Variants in FRMPD4 observed in about 807,000 individuals in gnomAD.
The protein encoded by FRMPD4 is FERM and PDZ domain containing 4.
Under a neutral mutation model 94.1 loss-of-function variants are expected in FRMPD4, and 22 were observed. That is an observed-to-expected ratio of 0.23 (90% CI 0.17 to 0.33). The LOEUF (loss-of-function observed/expected upper bound fraction) is 0.33. Among genes scored for constraint, FRMPD4 ranks in the 10% least tolerant of loss-of-function variants. FRMPD4 has a pLI of 1.00. For synonymous variants in FRMPD4, 631 were observed against 548.6 expected, an observed-to-expected ratio of 1.15 and a Z score of -2.10; for missense variants, 1,111 against 1,339.9, an observed-to-expected ratio of 0.83 and a Z score of 2.67.
chrX:12,219,205 C>CA (rs1336368000), intron 1 of FRMPD4, among the ~76,000 whole-genome samples: 11 of 111,399 alleles, frequency 9.9e-5, no homozygotes, highest in Non-Finnish European at 1.9e-4. Flanking sequence ...CTCGTCTCTA[C>CA]AAAAAATATA....
At chrX:12,506,567 G>A (rs770396847) in intron 2 of FRMPD4, among the ~76,000 whole-genome samples, 5 of 112,403 alleles carry the variant, frequency 4.4e-5, no homozygotes, top group Non-Finnish European at 9.4e-5. Context: ...GATTACAGGC[G>A]TGAGCCACTG....
intron 1 of FRMPD4, among the ~76,000 whole-genome samples, chrX:12,183,889 AGGTGCCT>A (rs1169607536): frequency 9.1e-6 from 1 of 109,798 alleles, no homozygotes; most frequent in Non-Finnish European, 1.9e-5. Flanking sequence ...AGTTGAGCTG[AGGTGCCT>A]GTCTTTTGCT....
rs778263063 is a variant in FRMPD4 at position 12,686,219 on chromosome X, T to A, written c.681+15T>A. Reference sequence around the variant, plus strand: ...CTTCCATTAAGGTAAGATGACCTGGTAAACTCTGTCCCTGGACGCTTTCAG... The same window carrying A: ...CTTCCATTAAGGTAAGATGACCTGGAAAACTCTGTCCCTGGACGCTTTCAG... On this transcript the variant is annotated intron_variant, in intron 7 of 16. Coordinates refer to ENST00000675598, the MANE Select transcript of FRMPD4 (RefSeq NM_001368397.1). The A allele has an allele frequency of 2.2e-6, 2 of 890,030 alleles. No individual in the cohort carries two copies. The highest frequency in any genetic ancestry group is 3.3e-6 in the Non-Finnish European group (2 of 605,333). The allele number at this position is 890,030 out of a possible 1,213,427, so 73.3% of individuals were successfully genotyped here. A position where few individuals can be genotyped will look rare whatever the true frequency, so the allele number is the denominator to read the frequency against.
intron 1 of FRMPD4, among the ~76,000 whole-genome samples, chrX:12,143,633 A>G (rs1275033434): frequency 8.9e-6 from 1 of 111,816 alleles, no homozygotes; most frequent in African/African-American, 3.3e-5. Flanking sequence ...CGAGCATATT[A>G]TAATAAATAC....
At chrX:12,383,666 G>A (rs2056358051) in intron 1 of FRMPD4, among the ~76,000 whole-genome samples, 1 of 111,347 alleles carries the variant, frequency 9.0e-6, no homozygotes, top group African/African-American at 3.3e-5. Context: ...AATAAATGAG[G>A]GCAAACTGAT....
At chrX:11,848,511 T>TG (rs1353870881) in intron 1 of FRMPD4, among the ~76,000 whole-genome samples, 5 of 81,695 alleles carry the variant, frequency 6.1e-5, no homozygotes, top group African/African-American at 1.7e-4. Flanking sequence ...CCAGCCTGTG[T>TG]TTTTTTTTTT....
intron 2 of FRMPD4, among the ~76,000 whole-genome samples, chrX:12,584,775 G>A (rs1468740314): frequency 8.9e-6 from 1 of 112,002 alleles, no homozygotes; most frequent in Admixed American, 9.4e-5. Context: ...GGAAAAGGAA[G>A]GAAATTTTAG....
intron 4 of FRMPD4, among the ~76,000 whole-genome samples, chrX:12,665,257 AC>A (rs1413995218): frequency 9.0e-6 from 1 of 111,548 alleles, no homozygotes; most frequent in African/African-American, 3.3e-5. Context: ...CCTGGCTAAC[AC>A]GAAGAAACCC....
At chrX:12,265,752 A>ACC (rs369724980) in intron 1 of FRMPD4, among the ~76,000 whole-genome samples, 63 of 105,343 alleles carry the variant, frequency 6.0e-4, no homozygotes, top group Non-Finnish European at 1.0e-3. Context: ...TCAGTTAAGA[A>ACC]CCCCCCCCCA....
chrX:12,214,072 T>C (rs1242973973), intron 1 of FRMPD4, among the ~76,000 whole-genome samples: 1 of 112,168 alleles, frequency 8.9e-6, no homozygotes, highest in Non-Finnish European at 1.9e-5. Flanking sequence ...TTTCCAATGA[T>C]GTCATGTTAT....
rs2042218759 is a variant in FRMPD4 at position 12,720,518 on chromosome X, A to G, written c.3965-16A>G. 1 of 1,202,977 alleles carries G rather than the reference A, an allele frequency of 8.3e-7. No individual in the cohort carries two copies. The highest frequency in any genetic ancestry group is 1.1e-6 in the Non-Finnish European group (1 of 890,461). On this transcript the variant is annotated splice_polypyrimidine_tract_variant and intron_variant, in intron 16 of 16. Transcript: ENST00000675598. Reference sequence around the variant, plus strand: ...GCTTAATGATTCTCTCTGTTTTTCTACTACCCCTAGTGTAGCTTTGACAGA... The same window carrying G: ...GCTTAATGATTCTCTCTGTTTTTCTGCTACCCCTAGTGTAGCTTTGACAGA...
chrX:12,720,244 G>A (rs781041483), intron 16 of FRMPD4, among the ~76,000 whole-genome samples: 67 of 112,025 alleles, frequency 6.0e-4, no homozygotes, highest in African/African-American at 2.1e-3. Context: ...GATATTGGGA[G>A]TAAGGCAATT....
chrX:12,693,179 G>C (rs1172258434), intron 8 of FRMPD4, among the ~76,000 whole-genome samples: 2 of 112,103 alleles, frequency 1.8e-5, no homozygotes, highest in East Asian at 5.5e-4. Context: ...TTTAATTGCA[G>C]CTCACATTTT....
intron 3 of FRMPD4, among the ~76,000 whole-genome samples, chrX:11,951,076 A>C (rs1236702168): frequency 1.8e-5 from 2 of 108,905 alleles, no homozygotes; most frequent in Admixed American, 2.0e-4. Flanking sequence ...AAAAAAAAAA[A>C]AAAAGGAAAA....
chrX:11,830,391 ACT>A (rs1393662858), intron 1 of FRMPD4, among the ~76,000 whole-genome samples: 6 of 111,208 alleles, frequency 5.4e-5, no homozygotes, highest in Middle Eastern at 4.6e-3. Flanking sequence ...GCTCTTTTTC[ACT>A]CTCATATTTC....
intron 2 of FRMPD4, among the ~76,000 whole-genome samples, chrX:12,560,863 G>A (rs1458054074): frequency 5.7e-5 from 5 of 87,548 alleles, no homozygotes; most frequent in African/African-American, 8.5e-5. Context: ...TCCGCCTCCC[G>A]GGTTCACGCC....
intron 3 of FRMPD4, among the ~76,000 whole-genome samples, chrX:12,006,762 A>T (rs963124016): frequency 8.9e-6 from 1 of 111,937 alleles, no homozygotes; most frequent in African/African-American, 3.3e-5. Context: ...TCGTAAAAGG[A>T]TATAAGGAAC....
chrX:12,497,070 GAAAGGA>G (rs1308260161), intron 1 of FRMPD4, among the ~76,000 whole-genome samples: 3 of 111,459 alleles, frequency 2.7e-5, no homozygotes, highest in South Asian at 3.8e-4. Flanking sequence ...GAATGGAAAG[GAAAGGA>G]AAAGGAAAAG....
At chrX:12,271,089 A>C (rs1413005322) in intron 1 of FRMPD4, among the ~76,000 whole-genome samples, 1 of 112,260 alleles carries the variant, frequency 8.9e-6, no homozygotes, top group African/African-American at 3.2e-5. Flanking sequence ...AACACGTAGT[A>C]ATATTCCCAT....
Sources: gnomAD v4.1 joint callset for allele counts (sites outside exome capture counted in the v4.1 genomes callset) on GRCh38, gnomAD v4.1.1 for gene constraint, MANE v1.5 for transcripts, NCBI Gene and HGNC (gene_info 2026-07-23, HGNC 2026-07-21) for gene names.